The following FBXO9 variants were observed in gnomAD, a reference collection of about 807,000 sequenced individuals.
FBXO9 encodes F-box only protein 9.
In FBXO9, 43 loss-of-function variants were observed where a neutral mutation model predicts 63.7. The ratio of observed to expected loss-of-function variants is 0.67; its 90% CI spans 0.53 to 0.87. The LOEUF is 0.87. Among genes scored for constraint, FBXO9 ranks in the 40% least tolerant of loss-of-function variants. The pLI is 0.00. For synonymous variants in FBXO9, 156 were observed against 171.7 expected, an observed-to-expected ratio of 0.91 and a Z score of 0.72; for missense variants, 442 against 533.2, an observed-to-expected ratio of 0.83 and a Z score of 1.68.
intron 1 of FBXO9, chr6:53,066,246 T>G (rs222446): frequency 0.83 from 536,487 of 645,826 alleles, 223,555 homozygotes; most frequent in East Asian, 0.93. Context: ...CCACCGACAG[T>G]CCCTGCCGGC....
upstream of FBXO9, chr6:53,065,380 A>G (rs928854929): frequency 1.7e-5 from 3 of 173,038 alleles, no homozygotes; most frequent in Non-Finnish European, 3.7e-5. Context: ...CGGGCCGCCC[A>G]CACGGGCAGC....
chr6:53,077,883 C>T (rs1217894358), intron 4 of FBXO9, among the ~76,000 whole-genome samples: 1 of 152,044 alleles, frequency 6.6e-6, no homozygotes, highest in Non-Finnish European at 1.5e-5. Flanking sequence ...TCATAAACTC[C>T]TTTGTAGGGA....
At position 53,100,839 on chromosome 6, in the gene FBXO9, T is replaced by TA. The variant is rs1315176323; in HGVS notation, c.*3012dup. Reference sequence around the variant, plus strand: ...TTGGTTTTCTAATTTAATGGTAGTGTAAACGTTTTTGGAATAAACATTCCT... The same window carrying TA: ...TTGGTTTTCTAATTTAATGGTAGTGTAAAACGTTTTTGGAATAAACATTCCT... On this transcript the variant is annotated 3_prime_UTR_variant, in exon 13 of 13. Transcript: ENST00000323557. 1 of 152,190 alleles carries TA rather than the reference T, an allele frequency of 6.6e-6. No homozygotes were observed. The highest frequency in any genetic ancestry group is 1.5e-5 in the Non-Finnish European group (1 of 68,034). The allele number at this position is 152,190 out of a possible 1,614,324, so 9.4% of individuals were successfully genotyped here.
chr6:53,088,228 A>C (rs184064230), intron 7 of FBXO9, among the ~76,000 whole-genome samples: 4 of 152,308 alleles, frequency 2.6e-5, no homozygotes, highest in African/African-American at 9.6e-5. Context: ...ATCTTGGTTC[A>C]CATGTCATAA....
intron 5 of FBXO9, 43 bp from the exon 6 acceptor site, chr6:53,080,925 T>C: frequency 6.2e-7 from 1 of 1,611,258 alleles, no homozygotes; most frequent in Non-Finnish European, 8.5e-7. Context: ...AACTGTACGC[T>C]TGTAGACTGA....
Position 53,078,902 on chromosome 6 carries a change from C to T in FBXO9, c.407+4C>T, listed in dbSNP as rs1346162553. ...GTGATGGCGTTGGAAACAGCTAGTG[C>T]GTATATAATTTGATAGATAGTAATG... On this transcript the variant is annotated splice_donor_region_variant and intron_variant, in intron 5 of 12. Transcript: ENST00000323557. The T allele has an allele frequency of 1.9e-6, 3 of 1,605,440 alleles. No homozygotes were observed. Among genetic ancestry groups the T allele is most frequent in the South Asian group, 1.1e-5 (1 of 90,834 alleles).
At chr6:53,072,220 T>TAA (rs201606572) in intron 2 of FBXO9, among the ~76,000 whole-genome samples, 12 of 150,788 alleles carry the variant, frequency 8.0e-5, no homozygotes, top group South Asian at 2.1e-4. Context: ...CGTCTTTTTT[T>TAA]AAAAAAAAAA....
Position 53,100,734 on chromosome 6 carries a change from A to G in FBXO9, c.*2904A>G, listed in dbSNP as rs899373185. The G allele has an allele frequency of 5.3e-5, 8 of 152,180 alleles. No individual in the cohort carries two copies. Among genetic ancestry groups the G allele is most frequent in the African/African-American group, 1.9e-4 (8 of 41,448 alleles). 9.4% of individuals were successfully genotyped at this position (152,180 alleles called of 1,614,324 possible). A position where few individuals can be genotyped will look rare whatever the true frequency, so the allele number is the denominator to read the frequency against. Reference sequence around the variant, plus strand: ...AATGCTTTGTAAGCTTTCTCTCCCCACATAAGAATGCCCTGTAAGCATTTT... The same window carrying G: ...AATGCTTTGTAAGCTTTCTCTCCCCGCATAAGAATGCCCTGTAAGCATTTT... On this transcript the variant is annotated 3_prime_UTR_variant, in exon 13 of 13. Coordinates refer to ENST00000323557, the MANE Select transcript of FBXO9 (RefSeq NM_033480.3).
chr6:53,073,867 C>T (rs1239671354), intron 3 of FBXO9: 4 of 331,870 alleles, frequency 1.2e-5, no homozygotes, highest in Non-Finnish European at 2.2e-5. Flanking sequence ...TGTGGGTACA[C>T]TGTCTTCATT....
chr6:53,097,632 A>G, intron 12 of FBXO9, 90 bp from the exon 13 acceptor site: 3 of 664,424 alleles, frequency 4.5e-6, no homozygotes, highest in East Asian at 3.4e-5. Context: ...AAAAAAGGCT[A>G]AAGCATAGAA....
At chr6:53,074,897 T>C (rs935367956) in intron 3 of FBXO9, among the ~76,000 whole-genome samples, 2 of 152,230 alleles carry the variant, frequency 1.3e-5, no homozygotes, top group Admixed American at 1.3e-4. Flanking sequence ...TTGGCTGTTA[T>C]GAATGGAGCT....
chr6:53,065,974 C>T (rs1384445194), intron 1 of FBXO9, 182 bp downstream of exon 1: 1 of 1,172,206 alleles, frequency 8.5e-7, no homozygotes, highest in Non-Finnish European at 1.1e-6. Flanking sequence ...GGTGCCAACC[C>T]TGGCTTCTCC....
At chr6:53,084,795 G>A (rs561119958) in intron 7 of FBXO9, among the ~76,000 whole-genome samples, 10 of 151,886 alleles carry the variant, frequency 6.6e-5, no homozygotes, top group African/African-American at 9.7e-5. Context: ...TTTAAGAAAC[G>A]TTTTTTTCCT....
At chr6:53,065,916 A>C (rs1379933891) in intron 1 of FBXO9, 124 bp downstream of exon 1, 4 of 1,195,294 alleles carry the variant, frequency 3.3e-6, no homozygotes, top group Non-Finnish European at 3.2e-6. Flanking sequence ...CACGGCTGCC[A>C]CCCGTTAGAG....
chr6:53,086,888 C>G (rs1488999977), intron 7 of FBXO9, among the ~76,000 whole-genome samples: 1 of 152,030 alleles, frequency 6.6e-6, no homozygotes, highest in African/African-American at 2.4e-5. Context: ...GACAACATCT[C>G]TACTAAAAAA....
chr6:53,096,897 C>T (rs957068990), intron 12 of FBXO9, among the ~76,000 whole-genome samples: 21 of 152,114 alleles, frequency 1.4e-4, no homozygotes, highest in African/African-American at 4.1e-4. Flanking sequence ...TAGAGCAAGA[C>T]CTTGTATCAA....
chr6:53,090,515 A>G (rs1763012975), intron 7 of FBXO9, among the ~76,000 whole-genome samples: 1 of 152,194 alleles, frequency 6.6e-6, no homozygotes, highest in African/African-American at 2.4e-5. Flanking sequence ...ACAAAAACAA[A>G]GAAAGAAAGA....
intron 2 of FBXO9, among the ~76,000 whole-genome samples, chr6:53,072,732 T>G (rs1768965022): frequency 6.6e-6 from 1 of 152,062 alleles, no homozygotes; most frequent in African/African-American, 2.4e-5. Context: ...AATTTTTTTT[T>G]TTTTTGAGAT....
At chr6:53,085,791 A>G (rs932360667) in intron 7 of FBXO9, among the ~76,000 whole-genome samples, 1 of 152,134 alleles carries the variant, frequency 6.6e-6, no homozygotes, top group African/African-American at 2.4e-5. Context: ...AGTGAGGTTA[A>G]TCATTTGATA....
Sources: allele counts gnomAD v4.1 joint callset (sites outside exome capture counted in the v4.1 genomes callset), GRCh38; gene constraint gnomAD v4.1.1; transcripts MANE v1.5; gene names NCBI Gene and HGNC (gene_info 2026-07-23, HGNC 2026-07-21).